PIGU: variants seen among roughly 807,000 people sequenced by gnomAD.
PIGU encodes the protein GPI-anchor transamidase component PIGU.
PIGU carries 24 observed loss-of-function variants against 49.9 expected under a neutral mutation model. The ratio of observed to expected loss-of-function variants is 0.48; its 90% CI spans 0.35 to 0.68. The LOEUF (loss-of-function observed/expected upper bound fraction) is 0.68. Among genes scored for constraint, PIGU ranks in the 30% least tolerant of loss-of-function variants. The pLI is 0.01. For missense variants in PIGU, 490 were observed against 532.6 expected (o/e 0.92, Z 0.79); for synonymous variants, 220 against 205.7 (o/e 1.07, Z -0.59).
chr20:34,661,144 T>G (rs1447809338), intron 1 of PIGU, among the ~76,000 whole-genome samples: 1 of 152,180 alleles, frequency 6.6e-6, no homozygotes, highest in Non-Finnish European at 1.5e-5. Flanking sequence ...TAAAATATAA[T>G]AGGTTTTTTT....
intron 2 of PIGU, among the ~76,000 whole-genome samples, chr20:34,645,737 A>G (rs537923996): frequency 6.6e-6 from 1 of 152,180 alleles, no homozygotes; most frequent in South Asian, 2.1e-4. Context: ...TCTACTAAAA[A>G]TACAAAAAAA....
intron 6 of PIGU, 27 bp downstream of exon 6, chr20:34,634,588 C>T (rs754889731): frequency 5.0e-6 from 8 of 1,608,342 alleles, no homozygotes; most frequent in Non-Finnish European, 5.9e-6. Flanking sequence ...AGGGACTGAC[C>T]TTTGTACTCT....
intron 1 of PIGU, among the ~76,000 whole-genome samples, chr20:34,676,246 G>A (rs1334933427): frequency 6.6e-6 from 1 of 152,016 alleles, no homozygotes; most frequent in Non-Finnish European, 1.5e-5. Flanking sequence ...CTGGAAAACT[G>A]GAAAGGTAGG....
intron 11 of PIGU, among the ~76,000 whole-genome samples, chr20:34,561,756 C>T (rs950832109): frequency 6.6e-6 from 1 of 152,002 alleles, no homozygotes; most frequent in African/African-American, 2.4e-5. Flanking sequence ...CCACCTCACC[C>T]CACGGCAGGA....
chr20:34,575,008 A>AC (rs1438634025), intron 11 of PIGU, 96 bp downstream of exon 11: 10 of 1,503,634 alleles, frequency 6.7e-6, no homozygotes, highest in African/African-American at 1.4e-5. Flanking sequence ...TCACGTCTGC[A>AC]CCCCCCGGTA....
intron 4 of PIGU, chr20:34,643,800 CAAAA>C (rs749414414): frequency 3.1e-4 from 14 of 45,120 alleles, no homozygotes; most frequent in South Asian, 8.9e-4. Context: ...TCTTCCTATG[CAAAA>C]AAAAAAAAAA....
chr20:34,576,733 TG>T (rs1459059974), intron 10 of PIGU, among the ~76,000 whole-genome samples: 1 of 152,210 alleles, frequency 6.6e-6, no homozygotes, highest in African/African-American at 2.4e-5. Flanking sequence ...GGGATCCTCC[TG>T]TCTCAGCCTC....
intron 6 of PIGU, among the ~76,000 whole-genome samples, chr20:34,620,818 A>C (rs1325291622): frequency 7.3e-6 from 1 of 137,746 alleles, no homozygotes; most frequent in African/African-American, 2.5e-5. Flanking sequence ...ACAAAAAAAA[A>C]ACAAAAAAAA....
At chr20:34,606,823 G>A (rs1984634086) in intron 7 of PIGU, among the ~76,000 whole-genome samples, 1 of 152,186 alleles carries the variant, frequency 6.6e-6, no homozygotes, top group East Asian at 1.9e-4. Flanking sequence ...GTGCACTGGT[G>A]TGATCTCAGC....
At chr20:34,596,875 T>C (rs1984221379) in intron 7 of PIGU, among the ~76,000 whole-genome samples, 1 of 152,214 alleles carries the variant, frequency 6.6e-6, no homozygotes, top group South Asian at 2.1e-4. Flanking sequence ...TTTAAAGATA[T>C]CTTATTAGTC....
At chr20:34,623,805 T>A (rs1447331548) in intron 6 of PIGU, among the ~76,000 whole-genome samples, 1 of 152,198 alleles carries the variant, frequency 6.6e-6, no homozygotes, top group Non-Finnish European at 1.5e-5. Context: ...GCTGCATGAT[T>A]TGCTCAAGGC....
chr20:34,658,556 C>G (rs1324242091), intron 1 of PIGU, among the ~76,000 whole-genome samples: 1 of 152,092 alleles, frequency 6.6e-6, no homozygotes, highest in African/African-American at 2.4e-5. Context: ...AGGAGCGTCT[C>G]TGCCCGGCCG....
chr20:34,614,576 G>T (rs1336465950), intron 7 of PIGU, among the ~76,000 whole-genome samples: 1 of 149,068 alleles, frequency 6.7e-6, no homozygotes, highest in Non-Finnish European at 1.5e-5. Context: ...AGTGAGCTGA[G>T]ATTGTGCCAC....
At chr20:34,635,799 C>T (rs574004745) in intron 5 of PIGU, among the ~76,000 whole-genome samples, 36 of 151,944 alleles carry the variant, frequency 2.4e-4, no homozygotes, top group Admixed American at 7.9e-4. Context: ...GGCTTGAACC[C>T]GGGAGGCTGA....
intron 2 of PIGU, among the ~76,000 whole-genome samples, chr20:34,647,615 C>T (rs894586352): frequency 9.2e-5 from 14 of 152,030 alleles, no homozygotes; most frequent in Admixed American, 4.6e-4. Flanking sequence ...CTATGTTGGC[C>T]AGGCTGGTCT....
rs142796890 is a variant in PIGU at position 34,598,445 on chromosome 20, T to C, written c.628-9838A>G. Among the ~76,000 whole-genome samples the C allele has an allele frequency of 1.6e-3, 246 of 152,318 alleles. 1 individual carries two copies. The highest frequency in any genetic ancestry group is 5.6e-3 in the African/African-American group (231 of 41,572). On this transcript the variant is annotated intron_variant, in intron 7 of 11. Coordinates refer to ENST00000217446, the MANE Select transcript of PIGU (RefSeq NM_080476.5). Reference sequence around the variant, plus strand: ...ATACATCTCATAGGCTCTTTAACAGTTGAGAAAAATGTTTCAGGTGGTGAG... The same window carrying C: ...ATACATCTCATAGGCTCTTTAACAGCTGAGAAAAATGTTTCAGGTGGTGAG...
intron 1 of PIGU, among the ~76,000 whole-genome samples, chr20:34,671,161 T>C (rs367913082): frequency 2.9e-4 from 44 of 152,288 alleles, no homozygotes; most frequent in Middle Eastern, 3.4e-3. Context: ...TTGATAACAG[T>C]TTGCCATTTT....
chr20:34,629,495 A>T (rs1985620341), intron 6 of PIGU, among the ~76,000 whole-genome samples: 1 of 152,202 alleles, frequency 6.6e-6, no homozygotes, highest in African/African-American at 2.4e-5. Context: ...AGCAGAGCCC[A>T]ACCTAGATTA....
At chr20:34,637,550 T>C (rs1986006628) in intron 5 of PIGU, among the ~76,000 whole-genome samples, 1 of 152,222 alleles carries the variant, frequency 6.6e-6, no homozygotes, top group South Asian at 2.1e-4. Context: ...ACCAAACTTT[T>C]ATTCAATCCA....
Sources: gnomAD v4.1 joint callset for allele counts (sites outside exome capture counted in the v4.1 genomes callset) on GRCh38, gnomAD v4.1.1 for gene constraint, MANE v1.5 for transcripts, NCBI Gene and HGNC (gene_info 2026-07-23, HGNC 2026-07-21) for gene names.